The following MAGI2 variants were observed in gnomAD, a reference collection of about 807,000 sequenced individuals.
MAGI2 encodes membrane associated guanylate kinase, WW and PDZ domain containing 2.
MAGI2 carries 35 observed loss-of-function variants against 133.3 expected under a neutral mutation model. That is an observed-to-expected ratio of 0.26 (90% CI 0.20 to 0.35). The LOEUF (loss-of-function observed/expected upper bound fraction) is 0.35, where lower values mean the gene tolerates loss of function less well. Among genes scored for constraint, MAGI2 ranks in the 10% least tolerant of loss-of-function variants. The pLI, the probability that MAGI2 is intolerant of heterozygous loss-of-function variation, is 1.00. For missense variants in MAGI2, 1,636 were observed against 1,863.4 expected, an observed-to-expected ratio of 0.88 and a Z score of 2.25; for synonymous variants, 729 against 710.6, an observed-to-expected ratio of 1.03 and a Z score of -0.41.
intron 1 of MAGI2, among the ~76,000 whole-genome samples, chr7:79,178,028 G>A (rs1024142913): frequency 4.6e-5 from 7 of 151,930 alleles, no homozygotes; most frequent in African/African-American, 1.7e-4. Flanking sequence ...CTAAATATTA[G>A]CCAGGCTTCC....
At chr7:78,413,416 T>C (rs747571484) in intron 6 of MAGI2, among the ~76,000 whole-genome samples, 1 of 152,068 alleles carries the variant, frequency 6.6e-6, no homozygotes, top group Non-Finnish European at 1.5e-5. Context: ...AATTAAATTA[T>C]CACAACATTA....
intron 2 of MAGI2, among the ~76,000 whole-genome samples, chr7:78,906,987 C>T (rs1798041166): frequency 6.6e-6 from 1 of 152,122 alleles, no homozygotes. Context: ...GTCCAGCCGA[C>T]CTTTGATCTC....
At chr7:78,889,116 A>G (rs1307923814) in intron 2 of MAGI2, among the ~76,000 whole-genome samples, 1 of 152,232 alleles carries the variant, frequency 6.6e-6, no homozygotes, top group Non-Finnish European at 1.5e-5. Context: ...ATCAACTGGA[A>G]GAAAGGGTAT....
intron 1 of MAGI2, among the ~76,000 whole-genome samples, chr7:79,398,058 T>C (rs1160837636): frequency 6.6e-6 from 1 of 152,206 alleles, no homozygotes; most frequent in East Asian, 1.9e-4. Context: ...TCTTTTGTTT[T>C]CCTTTAGCTT....
chr7:79,382,094 A>G (rs1167029916), intron 1 of MAGI2, among the ~76,000 whole-genome samples: 1 of 151,618 alleles, frequency 6.6e-6, no homozygotes, highest in Non-Finnish European at 1.5e-5. Context: ...TGGCAGGCAG[A>G]GGAAGAAATA....
At chr7:78,295,728 T>TGTCA (rs1346130814) in intron 9 of MAGI2, among the ~76,000 whole-genome samples, 3 of 152,180 alleles carry the variant, frequency 2.0e-5, no homozygotes, top group African/African-American at 7.2e-5. Context: ...TCATCTATTA[T>TGTCA]GTCAGTAGCC....
rs929358453 is a variant in MAGI2, at chr7:78,017,973, T to C, written c.*1342A>G. On this transcript the variant is annotated 3_prime_UTR_variant, in exon 22 of 22. Coordinates refer to ENST00000354212, the MANE Select transcript of MAGI2 (RefSeq NM_012301.4). ...CCTTCAGAAACACTTTGCCTTTTAA[T>C]ATGTGTAGCTACAGTAAGTACCAAT... The C allele has an allele frequency of 6.6e-6, 1 of 152,252 alleles. No homozygotes were observed. The highest frequency in any genetic ancestry group is 2.1e-4 in the South Asian group (1 of 4,836). 9.4% of individuals were successfully genotyped at this position (152,252 alleles called of 1,614,324 possible). A position where few individuals can be genotyped will look rare whatever the true frequency, so the allele number is the denominator to read the frequency against.
intron 1 of MAGI2, among the ~76,000 whole-genome samples, chr7:79,325,986 C>G (rs1255697474): frequency 1.3e-5 from 2 of 152,194 alleles, no homozygotes; most frequent in Non-Finnish European, 2.9e-5. Flanking sequence ...TGACCATCTC[C>G]CCAAACTTCC....
At chr7:78,508,641 G>A (rs1401934112) in intron 4 of MAGI2, among the ~76,000 whole-genome samples, 2 of 152,160 alleles carry the variant, frequency 1.3e-5, no homozygotes, top group Non-Finnish European at 2.9e-5. Flanking sequence ...CATGCAGCCT[G>A]ATGAGAAAAA....
chr7:79,112,680 T>G (rs1819028268), intron 1 of MAGI2, among the ~76,000 whole-genome samples: 1 of 152,098 alleles, frequency 6.6e-6, no homozygotes, highest in Admixed American at 6.5e-5. Context: ...CATACCTTTA[T>G]GTTTCTCTCT....
At chr7:78,115,604 A>G (rs1026422917) in intron 20 of MAGI2, among the ~76,000 whole-genome samples, 1 of 152,152 alleles carries the variant, frequency 6.6e-6, no homozygotes, top group Admixed American at 6.5e-5. Context: ...AGGTCACTAC[A>G]TAATGAGAAG....
chr7:78,409,320 GA>G (rs1393670212), intron 6 of MAGI2, among the ~76,000 whole-genome samples: 1 of 152,024 alleles, frequency 6.6e-6, no homozygotes, highest in African/African-American at 2.4e-5. Flanking sequence ...ATGCCTGAAA[GA>G]ATGAGCAAGA....
intron 1 of MAGI2, among the ~76,000 whole-genome samples, chr7:79,079,109 A>G (rs1160797754): frequency 6.6e-6 from 1 of 152,116 alleles, no homozygotes; most frequent in Non-Finnish European, 1.5e-5. Context: ...TCCAAAATTC[A>G]GCTTTTCTTC....
intron 1 of MAGI2, among the ~76,000 whole-genome samples, chr7:79,042,831 T>C (rs1334698728): frequency 6.6e-6 from 1 of 152,090 alleles, no homozygotes; most frequent in African/African-American, 2.4e-5. Context: ...AGCCACATAA[T>C]TGGCCATAAA....
At chr7:78,953,601 A>G (rs1802045629) in intron 2 of MAGI2, among the ~76,000 whole-genome samples, 1 of 152,180 alleles carries the variant, frequency 6.6e-6, no homozygotes, top group Non-Finnish European at 1.5e-5. Flanking sequence ...TCTTAGATCA[A>G]TATGAAAGTA....
intron 3 of MAGI2, among the ~76,000 whole-genome samples, chr7:78,564,869 C>T (rs1800778516): frequency 7.4e-6 from 1 of 134,946 alleles, no homozygotes; most frequent in South Asian, 2.6e-4. Context: ...TCTCTGCTCA[C>T]TGCAAGCTCC....
chr7:78,258,903 C>A (rs1793259320), intron 9 of MAGI2, among the ~76,000 whole-genome samples: 1 of 152,274 alleles, frequency 6.6e-6, no homozygotes, highest in Admixed American at 6.5e-5. Flanking sequence ...GCTATGAACC[C>A]CATGCTGGCA....
chr7:78,303,448 GA>G (rs36101880), intron 9 of MAGI2, among the ~76,000 whole-genome samples: 3 of 136,448 alleles, frequency 2.2e-5, no homozygotes, highest in Admixed American at 7.7e-5. Flanking sequence ...TAAAGCACCA[GA>G]AACTTACCAT....
chr7:79,033,298 A>C (rs1473160063), intron 1 of MAGI2, among the ~76,000 whole-genome samples: 1 of 152,224 alleles, frequency 6.6e-6, no homozygotes, highest in Non-Finnish European at 1.5e-5. Context: ...ATGTTTCTTA[A>C]AGGTTTTACA....
Sources: gnomAD v4.1 joint callset for allele counts (sites outside exome capture counted in the v4.1 genomes callset) on GRCh38, gnomAD v4.1.1 for gene constraint, MANE v1.5 for transcripts, NCBI Gene and HGNC (gene_info 2026-07-23, HGNC 2026-07-21) for gene names.